Variants in LUM observed in about 807,000 individuals in gnomAD.
LUM encodes the protein lumican.
A neutral mutation model predicts 20.5 loss-of-function variants in LUM; 13 were observed. The observed-to-expected ratio is 0.63, with a 90% confidence interval of 0.41 to 1.01. The LOEUF (loss-of-function observed/expected upper bound fraction) is 1.01, where lower values mean the gene tolerates loss of function less well. Among genes scored for constraint, LUM ranks in the 50% least tolerant of loss-of-function variants. The pLI, the probability that LUM is intolerant of heterozygous loss-of-function variation, is 0.00. For missense variants in LUM, 321 were observed against 391.1 expected (o/e 0.82, Z 1.51); for synonymous variants, 173 against 151.5 (o/e 1.14, Z -1.04).
At chr12:91,104,363 C>G in intron 2 of LUM, 44 bp from the exon 3 acceptor site, 1 of 1,397,904 alleles carries the variant, frequency 7.2e-7, no homozygotes, top group Non-Finnish European at 1.0e-6. Flanking sequence ...TTTCAGTACA[C>G]TGGCTCAAAA....
At chr12:91,105,770 A>G (rs1196672340) in intron 2 of LUM, among the ~76,000 whole-genome samples, 1 of 152,172 alleles carries the variant, frequency 6.6e-6, no homozygotes, top group African/African-American at 2.4e-5. Context: ...CCTTTCTCCC[A>G]TAGACCTCTC....
At chr12:91,111,077 T>A (rs547626066) in intron 1 of LUM, among the ~76,000 whole-genome samples, 3 of 152,202 alleles carry the variant, frequency 2.0e-5, no homozygotes, top group African/African-American at 7.2e-5. Flanking sequence ...AATACTAACA[T>A]ATATAACTAA....
chr12:91,104,004 G>A lies in LUM; in HGVS notation c.*161C>T. 1.7e-6 allele frequency: 1 copy of A among 582,068 alleles called. No homozygotes were observed. Among genetic ancestry groups the A allele is most frequent in the Non-Finnish European group, 3.0e-6 (1 of 335,832 alleles). 36.1% of individuals were successfully genotyped at this position (582,068 alleles called of 1,614,324 possible). ...TGTGTGTGTTCTTGTGATGAAATAG[G>A]CCTGCCTTTCATCTTTTCTTTAAAA... On this transcript the variant is annotated 3_prime_UTR_variant, in exon 3 of 3. Coordinates refer to ENST00000266718, the MANE Select transcript of LUM (RefSeq NM_002345.4).
In LUM at chr12:91,103,931, C is replaced by G; in HGVS notation, c.*234G>C. 2.8e-6 allele frequency: 1 copy of G among 355,740 alleles called. No homozygotes were observed. The highest frequency in any genetic ancestry group is 5.1e-6 in the Non-Finnish European group (1 of 197,084). 22.0% of individuals were successfully genotyped at this position (355,740 alleles called of 1,614,324 possible). A position where few individuals can be genotyped will look rare whatever the true frequency, so the allele number is the denominator to read the frequency against. ...TCATTTGACAGTAGAAATAAAAAAACACTAAATTTACAAATAAAGCATTGA... is the reference window on the plus strand; with the variant it reads ...TCATTTGACAGTAGAAATAAAAAAAGACTAAATTTACAAATAAAGCATTGA... On this transcript the variant is annotated 3_prime_UTR_variant, in exon 3 of 3. Coordinates refer to ENST00000266718, the MANE Select transcript of LUM (RefSeq NM_002345.4).
At chr12:91,104,909 A>T (rs12231718) in intron 2 of LUM, among the ~76,000 whole-genome samples, 1 of 152,102 alleles carries the variant, frequency 6.6e-6, no homozygotes, top group South Asian at 2.1e-4. Context: ...GTTTTTGTTT[A>T]TTTGTTTATT....
chr12:91,107,269 A>AAG (rs1491088276), intron 2 of LUM, among the ~76,000 whole-genome samples: 88 of 86,912 alleles, frequency 1.0e-3, no homozygotes, highest in African/African-American at 1.6e-3. Flanking sequence ...GAAAGAAAGA[A>AAG]AGAAAGAAAG....
chr12:91,105,938 A>G (rs753041721), intron 2 of LUM, among the ~76,000 whole-genome samples: 3 of 152,178 alleles, frequency 2.0e-5, no homozygotes, highest in Non-Finnish European at 4.4e-5. Context: ...TTCCTTTAGC[A>G]TTTTGGTCTG....
chr12:91,107,724 T>A (rs2121050242), intron 2 of LUM, among the ~76,000 whole-genome samples: 1 of 152,176 alleles, frequency 6.6e-6, no homozygotes, highest in Non-Finnish European at 1.5e-5. Context: ...TGGACATTTT[T>A]TTTTTTTCCA....
In LUM at chr12:91,103,168, C is replaced by T. The variant is rs564570242; in HGVS notation, c.*997G>A. On this transcript the variant is annotated 3_prime_UTR_variant, in exon 3 of 3. Coordinates refer to ENST00000266718, the MANE Select transcript of LUM (RefSeq NM_002345.4). ...CAAGCTAAAATGATTTTTTAAATAT[C>T]TATTTCAGAAAATTTTATATTCATT... is the stretch of plus-strand genomic sequence containing the variant. 5 of 152,066 alleles carry T rather than the reference C, an allele frequency of 3.3e-5. No individual in the cohort carries two copies. The highest frequency in any genetic ancestry group is 7.4e-5 in the Non-Finnish European group (5 of 67,960). 9.4% of individuals were successfully genotyped at this position (152,066 alleles called of 1,614,324 possible). A position where few individuals can be genotyped will look rare whatever the true frequency, so the allele number is the denominator to read the frequency against.
rs1326443242 is a variant in LUM, at chr12:91,108,733, C to G, written c.247G>C (p.Glu83Gln). The G allele has an allele frequency of 4.3e-6, 7 of 1,613,952 alleles. No individual in the cohort carries two copies. In the Admixed American group the frequency reaches 5.0e-5, roughly 12 times the overall value. ...TCAGTTACATTCTCAAAGGCCTTTT[C>G]ATCAATATGGTCAATCTGGTTATTC... Reference protein sequence around the residue: ...LRNNQIDHIDEKAFENVTDLQ... With the variant: ...LRNNQIDHIDQKAFENVTDLQ... Residue 83 changes from glutamate to glutamine, a missense_variant, in exon 2 of 3, where the codon GAA (glutamate) becomes CAA (glutamine). By Grantham distance (29) the Glu-to-Gln change is conservative. Transcript: ENST00000266718. The surrounding 1 kb of genome is among the most constrained non-coding windows in gnomAD (Gnocchi z 4.2).
In LUM at chr12:91,103,147, C is replaced by A. The variant is rs1223019971; in HGVS notation, c.*1018G>T. On this transcript the variant is annotated 3_prime_UTR_variant, in exon 3 of 3. Transcript: ENST00000266718. ...ATGATCCAGACATATTGGCTTCAAG[C>A]TAAAATGATTTTTTAAATATCTATT... 2.0e-5 allele frequency: 3 copies of A among 152,028 alleles called. No homozygotes were observed. Among genetic ancestry groups the A allele is most frequent in the Non-Finnish European group, 2.9e-5 (2 of 67,948 alleles). The allele number at this position is 152,028 out of a possible 1,614,324, so 9.4% of individuals were successfully genotyped here.
rs901812155 is a variant in LUM at position 91,103,344 on chromosome 12, T to A, written c.*821A>T. On this transcript the variant is annotated 3_prime_UTR_variant, in exon 3 of 3. Coordinates refer to ENST00000266718, the MANE Select transcript of LUM (RefSeq NM_002345.4). The stretch of plus-strand genomic sequence containing the variant: ...GAATAATGACAAATATCTAAGTAAG[T>A]TGTGAAATCTAAGTACCTATTATAG... The A allele has an allele frequency of 6.6e-6, 1 of 152,044 alleles. No individual in the cohort carries two copies. The highest frequency in any genetic ancestry group is 2.4e-5 in the African/African-American group (1 of 41,434). 9.4% of individuals were successfully genotyped at this position (152,044 alleles called of 1,614,324 possible). A position where few individuals can be genotyped will look rare whatever the true frequency, so the allele number is the denominator to read the frequency against.
intron 2 of LUM, among the ~76,000 whole-genome samples, chr12:91,107,407 G>A (rs1411778754): frequency 6.6e-6 from 1 of 151,814 alleles, no homozygotes; most frequent in African/African-American, 2.4e-5. Context: ...GACAATATGG[G>A]CTTCTTTGTG....
chr12:91,107,772 G>T (rs548208664), intron 2 of LUM, among the ~76,000 whole-genome samples: 1 of 151,884 alleles, frequency 6.6e-6, no homozygotes, highest in Non-Finnish European at 1.5e-5. Flanking sequence ...CTTGAGTACA[G>T]TGGCACGATC....
At chr12:91,109,046 C>A in intron 1 of LUM, 46 bp from the exon 2 acceptor site, 1 of 1,294,684 alleles carries the variant, frequency 7.7e-7, no homozygotes, top group Non-Finnish European at 1.1e-6. Context: ...TATATACTTT[C>A]AAGAAAAAGA....
Position 91,108,929 on chromosome 12 carries a change from A to G in LUM, c.51T>C (p.Ser17=), listed in dbSNP as rs755133231. 6.2e-7 allele frequency: 1 copy of G among 1,613,724 alleles called. No individual in the cohort carries two copies. Among genetic ancestry groups the G allele is most frequent in the South Asian group, 1.1e-5 (1 of 91,048 alleles). ...TLFLALIGGT[S]GQYYDYDFPL... Reference sequence around the variant, plus strand: ...GAAAATCATAATCATAGTACTGGCCACTGGTACCACCAATCAATGCCAGGA... The same window carrying G: ...GAAAATCATAATCATAGTACTGGCCGCTGGTACCACCAATCAATGCCAGGA... The change falls in exon 2 of 3, where the codon AGT becomes AGC. Residue 17 remains serine (S), a synonymous_variant. Coordinates refer to ENST00000266718, the MANE Select transcript of LUM (RefSeq NM_002345.4). This position sits in a 1 kb window ranked among gnomAD's most constrained non-coding sequence, Gnocchi z 4.2.
At position 91,108,007 on chromosome 12, in the gene LUM, C is replaced by T; in HGVS notation, c.862+111G>A. 1 of 1,264,866 alleles carries T rather than the reference C, an allele frequency of 7.9e-7. No individual in the cohort carries two copies. Among genetic ancestry groups the T allele is most frequent in the Non-Finnish European group, 1.2e-6 (1 of 867,308 alleles). The allele number at this position is 1,264,866 out of a possible 1,614,324, so 78.4% of individuals were successfully genotyped here. On this transcript the variant is annotated intron_variant, in intron 2 of 2. Coordinates refer to ENST00000266718, the MANE Select transcript of LUM (RefSeq NM_002345.4). The surrounding 1 kb of genome is among the most constrained non-coding windows in gnomAD (Gnocchi z 4.2). Reference sequence around the variant, plus strand: ...GATTTACAGGAATGAGCCACAGCGCCCGGGCGACATTTTGTTTTTTTAATG... The same window carrying T: ...GATTTACAGGAATGAGCCACAGCGCTCGGGCGACATTTTGTTTTTTTAATG...
rs764479785 is a variant in LUM, at chr12:91,108,719, C to A, written c.261G>T (p.Glu87Asp). The stretch of plus-strand genomic sequence containing the variant: ...TGAGCCACTGCAGATCAGTTACATT[C>A]TCAAAGGCCTTTTCATCAATATGGT... ...QIDHIDEKAF[E>D]NVTDLQWLIL... The change falls in exon 2 of 3, where the codon GAG (glutamate) becomes GAT (aspartate). Residue 87 changes from glutamate to aspartate, a missense_variant. Glu to Asp is a conservative substitution (Grantham distance 45). Coordinates refer to ENST00000266718, the MANE Select transcript of LUM (RefSeq NM_002345.4). This position sits in a 1 kb window ranked among gnomAD's most constrained non-coding sequence, Gnocchi z 4.2. The A allele has an allele frequency of 7.4e-6, 12 of 1,614,080 alleles. No individual in the cohort carries two copies. Among genetic ancestry groups the A allele is most frequent in the Non-Finnish European group, 9.3e-6 (11 of 1,180,000 alleles).
At chr12:91,106,039 G>A (rs549821634) in intron 2 of LUM, among the ~76,000 whole-genome samples, 65 of 152,274 alleles carry the variant, frequency 4.3e-4, no homozygotes, top group African/African-American at 1.5e-3. Context: ...AACAACAAGA[G>A]GGGTTTAGCT....
Sources: allele counts gnomAD v4.1 joint callset (sites outside exome capture counted in the v4.1 genomes callset), GRCh38; gene constraint gnomAD v4.1.1; non-coding constraint Gnocchi (gnomAD v3.1); transcripts MANE v1.5; gene names NCBI Gene and HGNC (gene_info 2026-07-23, HGNC 2026-07-21).